SSPN: variants seen among roughly 807,000 people sequenced by gnomAD.
The protein encoded by SSPN is sarcospan.
SSPN carries 15 observed loss-of-function variants against 19.1 expected under a neutral mutation model. That is an observed-to-expected ratio of 0.78 (90% CI 0.52 to 1.21). The LOEUF is 1.21. SSPN is among the 50% of genes most tolerant of loss of function. SSPN has a pLI of 0.00. For missense variants in SSPN, 291 were observed against 314.0 expected (o/e 0.93, Z 0.55); for synonymous variants, 147 against 140.3 (o/e 1.05, Z -0.34).
chr12:26,233,331 G>GATATATATATATATAT lies in SSPN; in HGVS notation c.*2259_*2274dup, dbSNP rs10547333. 1.6e-3 allele frequency: 231 copies of GATATATATATATATAT among 144,632 alleles called. No individual in the cohort carries two copies. Among genetic ancestry groups the GATATATATATATATAT allele is most frequent in the African/African-American group, 5.8e-3 (213 of 36,576 alleles). 9.0% of individuals were successfully genotyped at this position (144,632 alleles called of 1,614,324 possible). On this transcript the variant is annotated 3_prime_UTR_variant, in exon 3 of 3. Transcript: ENST00000242729. The surrounding 1 kb of genome is among the most constrained non-coding windows in gnomAD (Gnocchi z 4.3). ...CTTTATAATAGTATAACCGTCAGGA[G>GATATATATATATATAT]ATATATATATATATATATACACATA... is the stretch of plus-strand genomic sequence containing the variant.
At chr12:26,131,322 CTCT>C (rs966370197) in intron 1 of SSPN, among the ~76,000 whole-genome samples, 2 of 152,178 alleles carry the variant, frequency 1.3e-5, no homozygotes, top group African/African-American at 2.4e-5. Flanking sequence ...ATAGAGTTTG[CTCT>C]TCTTCCTGTA....
At chr12:26,156,634 A>C (rs1336328386) in intron 1 of SSPN, among the ~76,000 whole-genome samples, 2 of 152,208 alleles carry the variant, frequency 1.3e-5, no homozygotes, top group Admixed American at 1.3e-4. Flanking sequence ...GAAACCCCTG[A>C]CAATGACAAG....
intron 1 of SSPN, among the ~76,000 whole-genome samples, chr12:26,185,466 C>T (rs745821990): frequency 2.6e-5 from 4 of 152,158 alleles, no homozygotes; most frequent in Non-Finnish European, 5.9e-5. Context: ...GGTATTTAGT[C>T]GGTCAGCTCT....
intron 1 of SSPN, among the ~76,000 whole-genome samples, chr12:26,155,156 C>T (rs1480042): frequency 0.98 from 148,476 of 152,236 alleles, 72,506 homozygotes; most frequent in East Asian, 1. Context: ...TTTAAAGTTA[C>T]AACTAGTGTA....
At chr12:26,123,614 C>T (rs1197319948) in intron 1 of SSPN, 8 of 1,585,804 alleles carry the variant, frequency 5.0e-6, no homozygotes, top group Admixed American at 1.7e-5. Context: ...AGGCTGGCCT[C>T]CCTGAACTGA....
chr12:26,196,019 T>G, intron 1 of SSPN, 68 bp downstream of exon 1: 1 of 1,292,286 alleles, frequency 7.7e-7, no homozygotes, highest in Non-Finnish European at 1.0e-6. Context: ...ATGGTCGAGT[T>G]GAGACTAACC....
intron 1 of SSPN, among the ~76,000 whole-genome samples, chr12:26,190,211 TG>T (rs1412450711): frequency 6.6e-6 from 1 of 152,216 alleles, no homozygotes; most frequent in Non-Finnish European, 1.5e-5. Context: ...CTTTGTGACT[TG>T]ATTTTAAACA....
intron 1 of SSPN, among the ~76,000 whole-genome samples, chr12:26,137,652 ATATATTTTTTTTT>A (rs1469938064): frequency 9.7e-5 from 5 of 51,644 alleles, no homozygotes; most frequent in African/African-American, 2.6e-4. Context: ...ATATATATAT[ATATATTTTTTTTT>A]TTTTTTTTTT....
chr12:26,196,741 C>G (rs145816752), intron 1 of SSPN, among the ~76,000 whole-genome samples: 91 of 152,316 alleles, frequency 6.0e-4, no homozygotes, highest in African/African-American at 2.1e-3. Context: ...TTTCTAATCC[C>G]CACATCGTCC....
At chr12:26,222,066 TG>T (rs1945127361) in intron 1 of SSPN, among the ~76,000 whole-genome samples, 1 of 152,230 alleles carries the variant, frequency 6.6e-6, no homozygotes, top group South Asian at 2.1e-4. Context: ...TCTTTACTTT[TG>T]TATGTGCCAG....
intron 1 of SSPN, chr12:26,124,042 A>G (rs752987612): frequency 7.1e-7 from 1 of 1,405,612 alleles, no homozygotes; most frequent in East Asian, 2.3e-5. Context: ...GCCCTTGGAG[A>G]GCAGCAAAGA....
At chr12:26,218,743 C>T (rs1300888617) in intron 1 of SSPN, among the ~76,000 whole-genome samples, 1 of 152,180 alleles carries the variant, frequency 6.6e-6, no homozygotes, top group Non-Finnish European at 1.5e-5. Flanking sequence ...TGTTCTGTTG[C>T]ATGTCATTTA....
At chr12:26,123,590 C>T (rs762601218) in intron 1 of SSPN, 57 of 1,441,512 alleles carry the variant, frequency 4.0e-5, no homozygotes, top group Non-Finnish European at 5.4e-5. Context: ...TGGGCTGCCC[C>T]GCTTCATCAG....
In SSPN at chr12:26,124,162, C is replaced by T. The variant is rs1944340696; in HGVS notation, c.-31+2010C>T. On this transcript the variant is annotated intron_variant, in intron 1 of 2. Transcript: ENST00000538142. ...TTCTTTTCTTTTCTATTAATCTGTG[C>T]GGTAATTTGTAGGTATCCTTAATAT... The T allele has an allele frequency of 3.7e-6, 6 of 1,606,206 alleles. No individual in the cohort carries two copies. In the East Asian group the frequency reaches 1.1e-4, roughly 30 times the overall value.
intron 1 of SSPN, among the ~76,000 whole-genome samples, chr12:26,131,034 G>A (rs1944394831): frequency 6.6e-6 from 1 of 152,136 alleles, no homozygotes; most frequent in South Asian, 2.1e-4. Context: ...ACTAGATACT[G>A]GGTTGGCACT....
At chr12:26,180,768 A>G (rs1429674438) in intron 1 of SSPN, 2 of 152,250 alleles carry the variant, frequency 1.3e-5, no homozygotes, top group African/African-American at 4.8e-5. Context: ...CTGTAGACTC[A>G]TACAGCATCT....
chr12:26,213,118 A>C (rs1485300419), intron 1 of SSPN, among the ~76,000 whole-genome samples: 2 of 136,178 alleles, frequency 1.5e-5, no homozygotes, highest in Non-Finnish European at 3.1e-5. Flanking sequence ...AATAGTTTTA[A>C]TTGAAAAGCA....
chr12:26,128,827 T>C (rs1033761602), intron 1 of SSPN, among the ~76,000 whole-genome samples: 1 of 152,142 alleles, frequency 6.6e-6, no homozygotes, highest in African/African-American at 2.4e-5. Flanking sequence ...TTCCATTGCT[T>C]TTCTTTGGTT....
intron 2 of SSPN, among the ~76,000 whole-genome samples, chr12:26,227,738 G>A (rs1945191873): frequency 2.0e-5 from 3 of 152,180 alleles, no homozygotes; most frequent in Admixed American, 2.0e-4. Flanking sequence ...ATTATCCTGT[G>A]AAGTAGGTGC....
Sources: gnomAD v4.1 joint callset for allele counts (sites outside exome capture counted in the v4.1 genomes callset) on GRCh38, gnomAD v4.1.1 for gene constraint, Gnocchi (gnomAD v3.1) non-coding constraint, MANE v1.5 for transcripts, NCBI Gene and HGNC (gene_info 2026-07-23, HGNC 2026-07-21) for gene names.